The following RBPMS variants were observed in gnomAD, a reference collection of about 807,000 sequenced individuals.
The protein encoded by RBPMS is RNA binding protein, mRNA processing factor, also known as RNA-binding protein with multiple splicing.
A neutral mutation model predicts 26.8 loss-of-function variants in RBPMS; 7 were observed. The ratio of observed to expected loss-of-function variants is 0.26; its 90% confidence interval spans 0.15 to 0.49. The LOEUF (loss-of-function observed/expected upper bound fraction) is 0.49, where lower values mean the gene tolerates loss of function less well. RBPMS is among the 20% of genes least tolerant of loss of function. RBPMS has a pLI of 0.98. For missense variants in RBPMS, 186 were observed against 250.0 expected (o/e 0.74, Z 1.73); for synonymous variants, 96 against 93.3 (o/e 1.03, Z -0.17).
Position 30,385,100 on chromosome 8 carries a change from A to G in RBPMS, c.8A>G (p.Asn3Ser). ...CGAGGAAGGACCGGGAAGATGAACA[A>G]CGGCGGCAAAGCCGAGAAGGAGAAC... Reference protein sequence around the residue: MNNGGKAEKENTP... With the variant: MNSGGKAEKENTP... The change falls in exon 1 of 9, where the codon AAC becomes AGC. Residue 3 changes from asparagine to serine, a missense_variant. Asn to Ser is a conservative substitution (Grantham distance 46). This residue lies in a region of RBPMS where 38 missense variants were observed against 27.8 expected (regional missense o/e 1.37). Coordinates refer to ENST00000397323, the MANE Select transcript of RBPMS (RefSeq NM_001008710.3). The G allele has an allele frequency of 6.6e-7, 1 of 1,523,732 alleles. No homozygotes were observed. 94.4% of individuals were successfully genotyped at this position (1,523,732 alleles called of 1,614,324 possible).
chr8:30,556,442 G>A (rs188811281), intron 6 of RBPMS: 654 of 985,800 alleles, frequency 6.6e-4, no homozygotes, highest in Middle Eastern at 2.6e-3. Flanking sequence ...CTTCCTTCTC[G>A]CAGTCACCTG....
intron 6 of RBPMS, chr8:30,545,121 T>C (rs1392418392): frequency 7.5e-7 from 1 of 1,328,782 alleles, no homozygotes; most frequent in East Asian, 4.7e-5. Context: ...CTTTCTTAAA[T>C]ATGTTACAGG....
chr8:30,544,879 C>T lies in RBPMS; in HGVS notation c.528+255C>T, dbSNP rs528622657. 6.2e-5 allele frequency: 93 copies of T among 1,497,782 alleles called. No homozygotes were observed. In the South Asian group the frequency reaches 1.1e-3, roughly 18 times the overall value. The allele number at this position is 1,497,782 out of a possible 1,614,324, so 92.8% of individuals were successfully genotyped here. On this transcript the variant is annotated intron_variant, in intron 6 of 8. Coordinates refer to ENST00000397323, the MANE Select transcript of RBPMS (RefSeq NM_001008710.3). The stretch of plus-strand genomic sequence containing the variant: ...CTTCCTTAATGATCTCACCTCATAT[C>T]GCACATGAGAGACCGGGGCAGGTTT...
chr8:30,449,129 A>G (rs1472569963), intron 1 of RBPMS, among the ~76,000 whole-genome samples: 1 of 152,208 alleles, frequency 6.6e-6, no homozygotes, highest in East Asian at 1.9e-4. Context: ...AACAGTTCCC[A>G]TTGTGGCACG....
intron 5 of RBPMS, among the ~76,000 whole-genome samples, chr8:30,513,518 G>A (rs1821949472): frequency 6.9e-6 from 1 of 144,440 alleles, no homozygotes. Context: ...AAACCCAGAG[G>A]CAGAGCTTGC....
rs1338244657 is a variant in RBPMS at position 30,445,657 on chromosome 8, T to TATATATATATATAC, written c.67-29109_67-29108insCATATATATATATA. 5.4e-4 allele frequency among the ~76,000 whole-genome samples: 76 copies of TATATATATATATAC among 139,746 alleles called. 1 individual carries two copies. The highest frequency in any genetic ancestry group is 1.9e-3 in the African/African-American group (71 of 37,044). The allele number at this position is 139,746 out of a possible 152,430, so 91.7% of individuals were successfully genotyped here. ...ATGTAGATATACACACGGATATATA[T>TATATATATATATAC]ATATATATATATATATATGTATTTT... On this transcript the variant is annotated intron_variant, in intron 1 of 8. Coordinates refer to ENST00000397323, the MANE Select transcript of RBPMS (RefSeq NM_001008710.3).
At chr8:30,463,187 C>G (rs1816131777) in intron 1 of RBPMS, among the ~76,000 whole-genome samples, 1 of 152,164 alleles carries the variant, frequency 6.6e-6, no homozygotes, top group South Asian at 2.1e-4. Context: ...ATGAACCAAG[C>G]ATTGAAATCT....
At chr8:30,456,298 C>A (rs1471991960) in intron 1 of RBPMS, among the ~76,000 whole-genome samples, 1 of 152,148 alleles carries the variant, frequency 6.6e-6, no homozygotes, top group Non-Finnish European at 1.5e-5. Context: ...AAAAATGATG[C>A]TTGTGCTAGC....
At chr8:30,425,434 C>G (rs1811243649) in intron 1 of RBPMS, among the ~76,000 whole-genome samples, 1 of 150,484 alleles carries the variant, frequency 6.6e-6, no homozygotes, top group African/African-American at 2.4e-5. Flanking sequence ...GAGTTTCGCT[C>G]TTGTTGCCCA....
At chr8:30,477,867 C>T in intron 3 of RBPMS, 30 bp downstream of exon 3, 1 of 1,468,456 alleles carries the variant, frequency 6.8e-7, no homozygotes, top group Non-Finnish European at 9.5e-7. Flanking sequence ...ATATAAAGAT[C>T]ACTTTTTTAC....
chr8:30,514,629 A>G (rs114606822), intron 5 of RBPMS, among the ~76,000 whole-genome samples: 1,629 of 144,406 alleles, frequency 0.011, 34 homozygotes, highest in African/African-American at 0.038. Flanking sequence ...TGCAACCTCC[A>G]TCTCAGCTTT....
rs143495969 is a variant in RBPMS at position 30,544,561 on chromosome 8, A to G, written c.465A>G (p.Pro155=). The G allele has an allele frequency of 1.1e-3, 1,838 of 1,614,140 alleles. No individual in the cohort carries two copies. Among genetic ancestry groups the G allele is most frequent in the Non-Finnish European group, 1.5e-3 (1,764 of 1,180,026 alleles). The part of the protein sequence containing the change: ...PEVWAPYPLY[P]AELAPALPPP... ...TGTGGGCCCCGTACCCTCTGTACCC[A>G]GCGGAGTTAGCGCCTGCTCTACCTC... Residue 155 remains proline, a synonymous_variant, in exon 6 of 9, where the codon CCA becomes CCG. Coordinates refer to ENST00000397323, the MANE Select transcript of RBPMS (RefSeq NM_001008710.3).
At chr8:30,473,712 A>G (rs184283761) in intron 1 of RBPMS, among the ~76,000 whole-genome samples, 1 of 152,360 alleles carries the variant, frequency 6.6e-6, no homozygotes, top group East Asian at 1.9e-4. Flanking sequence ...CATCAATGAT[A>G]GACTAAATAA....
At chr8:30,474,226 T>C (rs532923337) in intron 1 of RBPMS, among the ~76,000 whole-genome samples, 2 of 152,312 alleles carry the variant, frequency 1.3e-5, no homozygotes, top group Admixed American at 6.5e-5. Context: ...ACTTTACTTT[T>C]ACATTTATTA....
intron 6 of RBPMS, chr8:30,549,542 GCTCCGT>G (rs1563439026): frequency 6.2e-7 from 1 of 1,614,128 alleles, no homozygotes; most frequent in Non-Finnish European, 8.5e-7. Context: ...CCCCTTGAGC[GCTCCGT>G]CTCCTGATAG....
chr8:30,538,937 C>T lies in RBPMS; in HGVS notation c.398-5557C>T, dbSNP rs888512030. On this transcript the variant is annotated intron_variant, in intron 5 of 8. Coordinates refer to ENST00000397323, the MANE Select transcript of RBPMS (RefSeq NM_001008710.3). ...AGCTAGTGTGCACTGCCCTGCACCA[C>T]GGGAGCTGGCGTGGGCTACATTCTT... 5.9e-5 allele frequency among the ~76,000 whole-genome samples: 9 copies of T among 152,100 alleles called. No homozygotes were observed. In the East Asian group the frequency reaches 1.2e-3, roughly 20 times the overall value.
At chr8:30,528,939 A>G (rs1823900218) in intron 5 of RBPMS, among the ~76,000 whole-genome samples, 1 of 152,026 alleles carries the variant, frequency 6.6e-6, no homozygotes, top group African/African-American at 2.4e-5. Flanking sequence ...TGGTAGGCCC[A>G]GCACAGTGGC....
chr8:30,389,213 T>C (rs1807484019), intron 1 of RBPMS, among the ~76,000 whole-genome samples: 2 of 152,220 alleles, frequency 1.3e-5, no homozygotes, highest in African/African-American at 4.8e-5. Context: ...AGTTGTAGAA[T>C]AGGATTTGGT....
chr8:30,540,461 G>T (rs1478850457), intron 5 of RBPMS, among the ~76,000 whole-genome samples: 1 of 152,194 alleles, frequency 6.6e-6, no homozygotes, highest in East Asian at 1.9e-4. Flanking sequence ...TTACTCTGTT[G>T]CCCTGGCTAG....
Sources: allele counts gnomAD v4.1 joint callset (sites outside exome capture counted in the v4.1 genomes callset), GRCh38; gene constraint gnomAD v4.1.1; regional missense constraint gnomAD v4.1.1; transcripts MANE v1.5; gene names NCBI Gene and HGNC (gene_info 2026-07-23, HGNC 2026-07-21).